The following SYNE2 variants were observed in gnomAD, a reference collection of about 807,000 sequenced individuals.
SYNE2 encodes nesprin-2.
In SYNE2, 431 loss-of-function variants were observed where a neutral mutation model predicts 856.3. The observed-to-expected ratio is 0.50, with a 90% confidence interval of 0.47 to 0.55. The LOEUF is 0.55. SYNE2 is among the 20% of genes least tolerant of loss of function. The pLI is 0.00. For missense variants in SYNE2, 8,129 were observed against 8,023.2 expected (o/e 1.01, Z -0.50); for synonymous variants, 2,923 against 2,872.3 (o/e 1.02, Z -0.56).
rs545243451 is a variant in SYNE2, at chr14:64,180,151, A to AG, written c.17556+2668_17556+2669insG. ...CTAATGTCAAATACCAAATTTCCAT[A>AG]AACGCAGGATTTGTTTCTCAGTTCT... On this transcript the variant is annotated intron_variant, in intron 96 of 115. Coordinates refer to ENST00000555002, the MANE Select transcript of SYNE2 (RefSeq NM_182914.3). Among the ~76,000 whole-genome samples the AG allele has an allele frequency of 5.2e-3, 791 of 152,358 alleles. 9 individuals carry two copies. Among genetic ancestry groups the AG allele is most frequent in the African/African-American group, 0.018 (758 of 41,584 alleles).
chr14:63,895,775 C>CAA (rs10544076), intron 1 of SYNE2, among the ~76,000 whole-genome samples: 6,472 of 92,478 alleles, frequency 0.07, 245 homozygotes, highest in Admixed American at 0.091. Flanking sequence ...TCCAAATCTC[C>CAA]AAAAAAAAAA....
intron 113 of SYNE2, 99 bp from the exon 114 acceptor site, chr14:64,224,362 C>A (rs946678134): frequency 1.7e-6 from 2 of 1,190,156 alleles, no homozygotes. Flanking sequence ...CAAAACAAAA[C>A]AAAAAAAGAT....
At chr14:63,964,097 T>C in intron 10 of SYNE2, 97 bp downstream of exon 10, 2 of 796,566 alleles carry the variant, frequency 2.5e-6, no homozygotes, top group South Asian at 1.6e-5. Flanking sequence ...GTATTTTAAG[T>C]ATTAAATTCA....
Position 63,985,450 on chromosome 14 carries a change from A to C in SYNE2, c.2152-1006A>C, listed in dbSNP as rs562925880. Among the ~76,000 whole-genome samples, 19 of 152,184 alleles carry C rather than the reference A, an allele frequency of 1.2e-4. 1 individual carries two copies. In the South Asian group the frequency reaches 3.5e-3, roughly 28 times the overall value. The stretch of plus-strand genomic sequence containing the variant: ...ATGTAAAGCTATAGTATGTCAACCT[A>C]TAGATTATTAATGGGAAAAAGATTT... On this transcript the variant is annotated intron_variant, in intron 18 of 115. Transcript: ENST00000555002.
At chr14:63,828,028 C>CAA (rs71120298) in intron 1 of SYNE2, among the ~76,000 whole-genome samples, 24 of 98,384 alleles carry the variant, frequency 2.4e-4, no homozygotes, top group African/African-American at 6.9e-4. Flanking sequence ...CTTCGTCTTT[C>CAA]AAAAAAAAAA....
At chr14:64,215,401 G>T (rs780980589) in intron 107 of SYNE2, 47 bp downstream of exon 107, 3 of 1,573,828 alleles carry the variant, frequency 1.9e-6, no homozygotes, top group Non-Finnish European at 1.7e-6. Flanking sequence ...ATCCTGTGGC[G>T]CACACTGCAT....
intron 81 of SYNE2, 97 bp from the exon 82 acceptor site, chr14:64,141,845 G>A: frequency 7.8e-7 from 1 of 1,278,204 alleles, no homozygotes. Flanking sequence ...TAATTATATA[G>A]CAAGACCTTT....
intron 1 of SYNE2, among the ~76,000 whole-genome samples, chr14:63,795,929 G>A (rs1404336671): frequency 6.6e-6 from 1 of 152,166 alleles, no homozygotes; most frequent in East Asian, 1.9e-4. Flanking sequence ...TTTAGAAAAG[G>A]CAAATTTATA....
chr14:64,130,394 T>C, intron 76 of SYNE2, 146 bp downstream of exon 76: 1 of 795,668 alleles, frequency 1.3e-6, no homozygotes, highest in Non-Finnish European at 2.1e-6. Context: ...GAATGCTTAA[T>C]GTGTACCAGG....
intron 8 of SYNE2, among the ~76,000 whole-genome samples, chr14:63,958,396 G>C (rs898242156): frequency 1.3e-5 from 2 of 152,070 alleles, no homozygotes; most frequent in Non-Finnish European, 1.5e-5. Context: ...AGAGATTACT[G>C]GTTAGGTATT....
chr14:63,984,322 T>C (rs2096609055), intron 18 of SYNE2, among the ~76,000 whole-genome samples: 1 of 152,244 alleles, frequency 6.6e-6, no homozygotes, highest in African/African-American at 2.4e-5. Context: ...TATGGTCATT[T>C]CCTAGGAAAA....
chr14:63,995,987 C>T (rs1237260514), intron 23 of SYNE2, among the ~76,000 whole-genome samples: 2 of 152,122 alleles, frequency 1.3e-5, no homozygotes, highest in Non-Finnish European at 2.9e-5. Flanking sequence ...AATGATAGTG[C>T]GTCAATTTTT....
At chr14:64,104,219 C>G (rs1408184295) in intron 64 of SYNE2, among the ~76,000 whole-genome samples, 5 of 152,130 alleles carry the variant, frequency 3.3e-5, no homozygotes, top group Non-Finnish European at 7.4e-5. Flanking sequence ...TTCTGGAGTA[C>G]AAATTCAATA....
chr14:64,181,749 A>G (rs1405767705), intron 96 of SYNE2, among the ~76,000 whole-genome samples: 1 of 152,198 alleles, frequency 6.6e-6, no homozygotes, highest in African/African-American at 2.4e-5. Context: ...GAAAAAGATA[A>G]AAGATAAAAA....
intron 1 of SYNE2, among the ~76,000 whole-genome samples, chr14:63,825,982 A>G (rs1217705355): frequency 6.6e-6 from 1 of 152,240 alleles, no homozygotes; most frequent in Admixed American, 6.5e-5. Context: ...AACTTGATCT[A>G]CAGACTGAAT....
Position 64,101,955 on chromosome 14 carries a change from A to G in SYNE2, c.12405A>G (p.Pro4135=), listed in dbSNP as rs2097733639. Reference sequence around the variant, plus strand: ...AGAATGGAGATGAGAAGGCAGAGCCATCGCCTCAGTCTTGGTCTTCACTTT... The same window carrying G: ...AGAATGGAGATGAGAAGGCAGAGCCGTCGCCTCAGTCTTGGTCTTCACTTT... The part of the protein sequence containing the change: ...KSDNGDEKAE[P]SPQSWSSLWK... Residue 4135 remains proline (P), a synonymous_variant, in exon 64 of 116, where the codon CCA becomes CCG. Transcript: ENST00000555002. 1 of 1,613,958 alleles carries G rather than the reference A, an allele frequency of 6.2e-7. No individual in the cohort carries two copies. Among genetic ancestry groups the G allele is most frequent in the East Asian group, 2.2e-5 (1 of 44,876 alleles).
intron 47 of SYNE2, among the ~76,000 whole-genome samples, chr14:64,050,780 A>T (rs1263807395): frequency 6.6e-6 from 1 of 152,126 alleles, no homozygotes; most frequent in East Asian, 1.9e-4. Context: ...GCACTTTGGG[A>T]GGCTGAGGCA....
At chr14:63,843,011 G>T (rs766012421) in intron 1 of SYNE2, among the ~76,000 whole-genome samples, 16 of 151,846 alleles carry the variant, frequency 1.1e-4, no homozygotes, top group Admixed American at 2.6e-4. Flanking sequence ...TGTATGAAGG[G>T]TATTGTTTTT....
chr14:63,909,549 A>C (rs541116823), intron 2 of SYNE2, among the ~76,000 whole-genome samples: 6 of 152,186 alleles, frequency 3.9e-5, no homozygotes, highest in African/African-American at 1.2e-4. Flanking sequence ...CTTCTTTTAA[A>C]TGCACATCCT....
Sources: allele counts gnomAD v4.1 joint callset (sites outside exome capture counted in the v4.1 genomes callset), GRCh38; gene constraint gnomAD v4.1.1; transcripts MANE v1.5; gene names NCBI Gene and HGNC (gene_info 2026-07-23, HGNC 2026-07-21).